Variants in IL1R2 observed in about 807,000 individuals in gnomAD.
IL1R2 encodes interleukin-1 receptor type 2.
Under a neutral mutation model 39.5 loss-of-function variants are expected in IL1R2, and 46 were observed. The observed-to-expected ratio is 1.16, with a 90% CI of 0.92 to 1.49. The LOEUF (loss-of-function observed/expected upper bound fraction) is 1.49. Ranked by LOEUF, IL1R2 falls within the 40% of genes most tolerant of loss-of-function variation. The pLI, the probability that IL1R2 is intolerant of heterozygous loss-of-function variation, is 0.00. For synonymous variants in IL1R2, 207 were observed against 189.6 expected, an observed-to-expected ratio of 1.09 and a Z score of -0.75; for missense variants, 537 against 502.0, an observed-to-expected ratio of 1.07 and a Z score of -0.67.
chr2:102,017,094 GT>G (rs765361458), intron 4 of IL1R2, among the ~76,000 whole-genome samples: 2 of 152,040 alleles, frequency 1.3e-5, no homozygotes, highest in African/African-American at 2.4e-5. Flanking sequence ...TATTAAAGGA[GT>G]TTTTTTAAAA....
At chr2:102,009,412 T>C in intron 2 of IL1R2, 150 bp from the exon 3 acceptor site, 1 of 835,266 alleles carries the variant, frequency 1.2e-6, no homozygotes, top group South Asian at 1.7e-5. Context: ...CCCCAGGGTG[T>C]AGGTCTTTTT....
At chr2:102,003,800 CTGTGGCTGTGCTGTGT>C (rs1676078052) in intron 1 of IL1R2, among the ~76,000 whole-genome samples, 1 of 886 alleles carries the variant, frequency 1.1e-3, no homozygotes, top group East Asian at 0.031. Context: ...GTGTCTGTGT[CTGTGGCTGTGCTGTGT>C]CTGTGTCTGT....
At chr2:101,993,021 C>T (rs942997752) in intron 1 of IL1R2, among the ~76,000 whole-genome samples, 10 of 152,136 alleles carry the variant, frequency 6.6e-5, no homozygotes, top group African/African-American at 2.4e-4. Context: ...CAAGTAAAAT[C>T]GCAGTGGAAT....
chr2:102,007,466 C>T (rs2150431245), intron 1 of IL1R2, among the ~76,000 whole-genome samples: 1 of 152,298 alleles, frequency 6.6e-6, no homozygotes, highest in East Asian at 1.9e-4. Flanking sequence ...TCCATTAACT[C>T]ACTCATTCAT....
chr2:102,015,758 T>C, intron 3 of IL1R2, 113 bp from the exon 4 acceptor site: 1 of 840,128 alleles, frequency 1.2e-6, no homozygotes, highest in Non-Finnish European at 1.9e-6. Context: ...TCTGTACTAA[T>C]CCAGAAAATG....
intron 7 of IL1R2, chr2:102,024,883 T>C (rs928401957): frequency 4.7e-5 from 25 of 536,940 alleles, no homozygotes; most frequent in Non-Finnish European, 7.3e-5. Flanking sequence ...GCAGTTGACA[T>C]GTTGGTATTG....
chr2:102,009,717 G>A lies in IL1R2; in HGVS notation c.223G>A (p.Ala75Thr). ...CCTGACATGGCATAAAAATGACTCT[G>A]CTAGGACGGTCCCAGGAGAAGAAGA... is the stretch of plus-strand genomic sequence containing the variant. ...INLTWHKNDSARTVPGEEETR... is the reference protein window; with the variant it reads ...INLTWHKNDSTRTVPGEEETR... The change falls in exon 3 of 9, where the codon GCT (alanine) becomes ACT (threonine). Residue 75 changes from alanine (A) to threonine (T), a missense_variant. Ala to Thr is a moderately conservative substitution (Grantham distance 58). Transcript: ENST00000332549. The A allele has an allele frequency of 6.2e-7, 1 of 1,614,192 alleles. No homozygotes were observed. The highest frequency in any genetic ancestry group is 8.5e-7 in the Non-Finnish European group (1 of 1,180,030).
At chr2:102,015,292 C>T (rs1676925246) in intron 3 of IL1R2, among the ~76,000 whole-genome samples, 1 of 152,176 alleles carries the variant, frequency 6.6e-6, no homozygotes, top group Admixed American at 6.5e-5. Flanking sequence ...ACCTTGGTGG[C>T]ATTAGAATCG....
chr2:102,022,780 A>C (rs1274615176), intron 6 of IL1R2, among the ~76,000 whole-genome samples: 1 of 152,252 alleles, frequency 6.6e-6, no homozygotes, highest in African/African-American at 2.4e-5. Flanking sequence ...CATGTGGTAC[A>C]GTCCATCCTG....
intron 1 of IL1R2, among the ~76,000 whole-genome samples, chr2:101,993,334 A>C (rs774244231): frequency 2.0e-5 from 3 of 152,070 alleles, no homozygotes; most frequent in Non-Finnish European, 2.9e-5. Context: ...CTCCATTTCC[A>C]CCTGCAAATA....
In IL1R2 at chr2:102,028,507, C is replaced by A; in HGVS notation, c.*115C>A. ...CCTCAGTTGTCTACCAAAGGTGCCA[C>A]ATTTATAGTGGCTTTGTAGTAAAGG... is the stretch of plus-strand genomic sequence containing the variant. On this transcript the variant is annotated 3_prime_UTR_variant, in exon 9 of 9. Coordinates refer to ENST00000332549, the MANE Select transcript of IL1R2 (RefSeq NM_004633.4). 2.3e-6 allele frequency: 2 copies of A among 854,806 alleles called. No individual in the cohort carries two copies. Among genetic ancestry groups the A allele is most frequent in the Non-Finnish European group, 3.4e-6 (2 of 580,062 alleles). The allele number at this position is 854,806 out of a possible 1,614,324, so 53.0% of individuals were successfully genotyped here. A position where few individuals can be genotyped will look rare whatever the true frequency, so the allele number is the denominator to read the frequency against.
intron 3 of IL1R2, among the ~76,000 whole-genome samples, chr2:102,011,098 A>G (rs3218867): frequency 0.041 from 6,174 of 152,218 alleles, 402 homozygotes; most frequent in African/African-American, 0.14. Context: ...GAATATTATT[A>G]TTCCGTTTTA....
At chr2:102,006,930 A>G (rs548864469) in intron 1 of IL1R2, among the ~76,000 whole-genome samples, 19 of 152,238 alleles carry the variant, frequency 1.2e-4, no homozygotes, top group African/African-American at 4.6e-4. Flanking sequence ...GCCATCCCCA[A>G]AGAGGATCAT....
In IL1R2 at chr2:102,026,183, G is replaced by A. The variant is rs1677736334; in HGVS notation, c.960G>A (p.Leu320=). ...TTGATCCTGTCACAAGAGAGGATTT[G>A]CACATGGATTTTAAATGTGTTGTCC... The part of the protein sequence containing the change: ...LIFDPVTRED[L]HMDFKCVVHN... The change falls in exon 8 of 9, where the codon TTG becomes TTA. Residue 320 remains leucine (L), a synonymous_variant. Coordinates refer to ENST00000332549, the MANE Select transcript of IL1R2 (RefSeq NM_004633.4). The A allele has an allele frequency of 1.2e-6, 2 of 1,611,702 alleles. No individual in the cohort carries two copies. The highest frequency in any genetic ancestry group is 1.7e-6 in the Non-Finnish European group (2 of 1,177,880).
Position 101,995,798 on chromosome 2 carries a change from A to G in IL1R2, c.-62+3787A>G, listed in dbSNP as rs75472512. ...TCAGAGCCACTCGGGGACCCAGGTCATTGTCAAAACAGAATTTACGGAGAC... is the reference window on the plus strand; with the variant it reads ...TCAGAGCCACTCGGGGACCCAGGTCGTTGTCAAAACAGAATTTACGGAGAC... On this transcript the variant is annotated intron_variant, in intron 1 of 8. Coordinates refer to ENST00000332549, the MANE Select transcript of IL1R2 (RefSeq NM_004633.4). 7.4e-3 allele frequency among the ~76,000 whole-genome samples: 1,130 copies of G among 152,344 alleles called. 17 individuals carry two copies. The highest frequency in any genetic ancestry group is 0.026 in the African/African-American group (1,084 of 41,588).
chr2:102,009,968 C>T, intron 3 of IL1R2, 142 bp downstream of exon 3: 1 of 923,882 alleles, frequency 1.1e-6, no homozygotes, highest in Non-Finnish European at 1.6e-6. Flanking sequence ...TTTGCTGTTC[C>T]TGACACCCCC....
At chr2:102,024,942 G>A (rs918759792) in intron 7 of IL1R2, 20 of 368,382 alleles carry the variant, frequency 5.4e-5, no homozygotes, top group South Asian at 5.4e-4. Flanking sequence ...TTTTATTTTC[G>A]CAAGTTAAAA....
chr2:101,995,606 G>T (rs77164807), intron 1 of IL1R2, among the ~76,000 whole-genome samples: 1 of 152,162 alleles, frequency 6.6e-6, no homozygotes, highest in Admixed American at 6.5e-5. Flanking sequence ...TGTGTTACAC[G>T]GCAATAGAAA....
At chr2:101,995,852 C>G (rs1214405289) in intron 1 of IL1R2, among the ~76,000 whole-genome samples, 1 of 152,180 alleles carries the variant, frequency 6.6e-6, no homozygotes, top group African/African-American at 2.4e-5. Flanking sequence ...TGTTTTGACA[C>G]AAGTGCCGGA....
Sources: gnomAD v4.1 joint callset for allele counts (sites outside exome capture counted in the v4.1 genomes callset) on GRCh38, gnomAD v4.1.1 for gene constraint, MANE v1.5 for transcripts, NCBI Gene and HGNC (gene_info 2026-07-23, HGNC 2026-07-21) for gene names.